IQANK1: variants seen among roughly 807,000 people sequenced by gnomAD.
The protein encoded by IQANK1 is IQ motif and ankyrin repeat domain-containing protein 1.
IQANK1 carries 30 observed loss-of-function variants against 22.6 expected under a neutral mutation model. The ratio of observed to expected loss-of-function variants is 1.33; its 90% CI spans 0.99 to 1.80. The LOEUF (loss-of-function observed/expected upper bound fraction) is 1.80, where lower values mean the gene tolerates loss of function less well. IQANK1 is among the 40% of genes most tolerant of loss of function. The pLI, the probability that IQANK1 is intolerant of heterozygous loss-of-function variation, is 0.00. For missense variants in IQANK1, 275 were observed against 235.2 expected (o/e 1.17, Z -1.11); for synonymous variants, 122 against 99.6 (o/e 1.23, Z -1.34).
chr8:143,764,684 C>T (rs1554629096), intron 3 of IQANK1, among the ~76,000 whole-genome samples: 3 of 152,080 alleles, frequency 2.0e-5, no homozygotes, highest in African/African-American at 4.8e-5. Context: ...ATTTCTCTCT[C>T]CATTTTTACA....
chr8:143,736,664 G>A (rs373123823), intron 2 of IQANK1, among the ~76,000 whole-genome samples: 121 of 152,244 alleles, frequency 7.9e-4, no homozygotes, highest in African/African-American at 2.7e-3. Context: ...GGGCCATCCT[G>A]TGCTGCCCTC....
chr8:143,779,411 A>G (rs1352151960), intron 7 of IQANK1, among the ~76,000 whole-genome samples: 1 of 152,208 alleles, frequency 6.6e-6, no homozygotes, highest in African/African-American at 2.4e-5. Flanking sequence ...TCATCCATCA[A>G]TTCATCCATC....
Position 143,737,625 on chromosome 8 carries a change from C to T in IQANK1, c.85+1687C>T, listed in dbSNP as rs113726595. ...CAACACAACAGTCCGGGACCCCTCC[C>T]GCCACCCCATCCAGGCCTTACCTGG... On this transcript the variant is annotated intron_variant, in intron 2 of 13. Coordinates refer to ENST00000527139, the MANE Select transcript of IQANK1 (RefSeq NM_001381874.1). 4.7e-3 allele frequency among the ~76,000 whole-genome samples: 712 copies of T among 152,306 alleles called. 3 individuals carry two copies. The highest frequency in any genetic ancestry group is 0.016 in the African/African-American group (667 of 41,560).
chr8:143,783,979 A>T (rs1166490501), intron 7 of IQANK1, among the ~76,000 whole-genome samples: 1 of 152,208 alleles, frequency 6.6e-6, no homozygotes, highest in Admixed American at 6.5e-5. Context: ...CAGCAGCTTT[A>T]TAACAAGTCT....
At chr8:143,780,035 TCAAAGTTG>T (rs1377529795) in intron 7 of IQANK1, among the ~76,000 whole-genome samples, 1 of 152,168 alleles carries the variant, frequency 6.6e-6, no homozygotes, top group Non-Finnish European at 1.5e-5. Context: ...ATTGCAGAAA[TCAAAGTTG>T]TGGCTCAATT....
chr8:143,743,175 T>C, intron 3 of IQANK1: 1 of 385,526 alleles, frequency 2.6e-6, no homozygotes, highest in South Asian at 1.8e-5. Flanking sequence ...TCCCTCTGGC[T>C]CTCCACTTCT....
intron 7 of IQANK1, among the ~76,000 whole-genome samples, chr8:143,776,170 A>T (rs1256026092): frequency 6.6e-6 from 1 of 150,538 alleles, no homozygotes; most frequent in African/African-American, 2.5e-5. Flanking sequence ...AAATACAACA[A>T]ATTAGCCGGG....
chr8:143,768,325 C>T (rs1819514990), intron 3 of IQANK1, among the ~76,000 whole-genome samples: 3 of 152,112 alleles, frequency 2.0e-5, no homozygotes, highest in South Asian at 2.1e-4. Flanking sequence ...GGAGGGTTTC[C>T]GCGAATGTCT....
intron 3 of IQANK1, chr8:143,743,869 C>A: frequency 2.4e-6 from 1 of 423,980 alleles, no homozygotes; most frequent in Non-Finnish European, 4.6e-6. Context: ...GATGGAGTTT[C>A]GCTCTGTTGC....
chr8:143,790,316 GC>G (rs782013789), intron 13 of IQANK1, 33 bp from the exon 14 acceptor site: 263 of 1,230,052 alleles, frequency 2.1e-4, no homozygotes, highest in Admixed American at 1.0e-3. Context: ...CACCTCCCTA[GC>G]CCCACCCTGG....
chr8:143,737,940 C>T (rs1818786871), intron 2 of IQANK1, among the ~76,000 whole-genome samples: 1 of 152,228 alleles, frequency 6.6e-6, no homozygotes, highest in Non-Finnish European at 1.5e-5. Context: ...TCCCCTGCTC[C>T]ACAGCCTTCC....
At chr8:143,742,333 G>C in intron 3 of IQANK1, 1 of 451,940 alleles carries the variant, frequency 2.2e-6, no homozygotes, top group Non-Finnish European at 4.5e-6. Flanking sequence ...TGCCCGCCAG[G>C]ATCTCCCTGC....
At chr8:143,752,136 T>G (rs1819207946) in intron 3 of IQANK1, among the ~76,000 whole-genome samples, 1 of 152,120 alleles carries the variant, frequency 6.6e-6, no homozygotes, top group Admixed American at 6.6e-5. Context: ...CAGCTAATTT[T>G]TGTATTTTTA....
At chr8:143,788,880 G>A (rs1486984672) in intron 7 of IQANK1, 35 bp from the exon 8 acceptor site, 4 of 399,072 alleles carry the variant, frequency 1.0e-5, no homozygotes, top group South Asian at 2.5e-4. Context: ...CTCGGAACAC[G>A]CACTGAGGGC....
At chr8:143,769,226 A>T (rs988746951) in intron 3 of IQANK1, among the ~76,000 whole-genome samples, 2 of 151,574 alleles carry the variant, frequency 1.3e-5, no homozygotes, top group African/African-American at 4.9e-5. Flanking sequence ...CACCCAGCTA[A>T]TTTTTAGTTA....
chr8:143,738,405 G>A (rs975336932), intron 2 of IQANK1, among the ~76,000 whole-genome samples: 40 of 152,278 alleles, frequency 2.6e-4, no homozygotes, highest in African/African-American at 8.2e-4. Context: ...GCTGGAGCCC[G>A]CAGCACCGCA....
rs190543554 is a variant in IQANK1 at position 143,758,130 on chromosome 8, G to A, written c.176-13358G>A. On this transcript the variant is annotated intron_variant, in intron 3 of 13. Transcript: ENST00000527139. The surrounding 1 kb of genome is among the most constrained non-coding windows in gnomAD (Gnocchi z 4.2). ...CGGCCCTATTATGTAAAAGCAAAGT[G>A]TTTCTGGTTATCCTTGCAAATTATT... The A allele has an allele frequency of 6.6e-6, 1 of 152,326 alleles. No individual in the cohort carries two copies. The highest frequency in any genetic ancestry group is 1.9e-4 in the East Asian group (1 of 5,186). 9.4% of individuals were successfully genotyped at this position (152,326 alleles called of 1,614,324 possible).
At chr8:143,743,096 C>T (rs1763219095) in intron 3 of IQANK1, 1 of 449,042 alleles carries the variant, frequency 2.2e-6, no homozygotes, top group African/African-American at 2.0e-5. Context: ...ACCAGCTCTG[C>T]AGGGTAGCCA....
At position 143,771,911 on chromosome 8, in the gene IQANK1, G is replaced by A. The variant is rs1819582846; in HGVS notation, c.417G>A (p.Leu139=). The change falls in exon 5 of 14, where the codon CTG becomes CTA. Residue 139 remains leucine, a synonymous_variant. Coordinates refer to ENST00000527139, the MANE Select transcript of IQANK1 (RefSeq NM_001381874.1). The surrounding 1 kb of genome is among the most constrained non-coding windows in gnomAD (Gnocchi z 6.0). ...AGGAGCTGCAGCGTCGCCGCCGCCTGCTGGACGCCGCCTTCGACGGGGACG... is the reference window on the plus strand; with the variant it reads ...AGGAGCTGCAGCGTCGCCGCCGCCTACTGGACGCCGCCTTCGACGGGGACG... ...RREELQRRRR[L]LDAAFDGDVG... 2.5e-6 allele frequency: 1 copy of A among 392,948 alleles called. No individual in the cohort carries two copies. Among genetic ancestry groups the A allele is most frequent in the Non-Finnish European group, 4.5e-6 (1 of 222,886 alleles). 24.3% of individuals were successfully genotyped at this position (392,948 alleles called of 1,614,324 possible). A position where few individuals can be genotyped will look rare whatever the true frequency, so the allele number is the denominator to read the frequency against.
Sources: gnomAD v4.1 joint callset for allele counts (sites outside exome capture counted in the v4.1 genomes callset) on GRCh38, gnomAD v4.1.1 for gene constraint, Gnocchi (gnomAD v3.1) non-coding constraint, MANE v1.5 for transcripts, NCBI Gene and HGNC (gene_info 2026-07-23, HGNC 2026-07-21) for gene names.